The following DMD variants were observed in gnomAD, a reference collection of about 807,000 sequenced individuals.
DMD encodes dystrophin.
In DMD, 63 loss-of-function variants were observed where a neutral mutation model predicts 330.1. That is an observed-to-expected ratio of 0.19 (90% CI 0.16 to 0.24). The LOEUF (loss-of-function observed/expected upper bound fraction) is 0.24. Among genes scored for constraint, DMD ranks in the 10% least tolerant of loss-of-function variants. The pLI, the probability that DMD is intolerant of heterozygous loss-of-function variation, is 1.00. For synonymous variants in DMD, 1,223 were observed against 959.8 expected (o/e 1.27, Z -5.07); for missense variants, 3,344 against 2,684.1 (o/e 1.25, Z -5.43).
At chrX:33,098,416 A>C (rs1310052394) in intron 1 of DMD, among the ~76,000 whole-genome samples, 1 of 111,677 alleles carries the variant, frequency 9.0e-6, no homozygotes, top group Non-Finnish European at 1.9e-5. Flanking sequence ...GGTGTAAACC[A>C]ATTCTGCTTG....
At chrX:33,104,248 G>A (rs1030565911) in intron 1 of DMD, among the ~76,000 whole-genome samples, 1 of 111,671 alleles carries the variant, frequency 9.0e-6, no homozygotes, top group Non-Finnish European at 1.9e-5. Flanking sequence ...TGTTAATAAC[G>A]TTTTAAAATA....
chrX:32,689,468 T>A (rs1389505328), intron 9 of DMD, among the ~76,000 whole-genome samples: 1 of 111,410 alleles, frequency 9.0e-6, no homozygotes, highest in Non-Finnish European at 1.9e-5. Flanking sequence ...ACTTCATAAG[T>A]GATTTCTATC....
intron 17 of DMD, among the ~76,000 whole-genome samples, chrX:32,524,833 T>A (rs1382570806): frequency 2.7e-5 from 3 of 112,729 alleles, no homozygotes; most frequent in African/African-American, 9.7e-5. Flanking sequence ...TTCCCTTTTA[T>A]ACAAAGATCG....
intron 51 of DMD, among the ~76,000 whole-genome samples, chrX:31,734,005 T>C (rs1395418653): frequency 9.0e-6 from 1 of 111,614 alleles, no homozygotes; most frequent in African/African-American, 3.2e-5. Flanking sequence ...TTAGCCTTTT[T>C]TGTTCTTTAT....
At position 32,221,644 on chromosome X, in the gene DMD, T is replaced by G. The variant is rs188455109; in HGVS notation, c.6291-4581A>C. ...ATAGAAGTAAAATCAGATATTTTAG[T>G]GCACGTGTCACCCAAGTAGTGTACA... On this transcript the variant is annotated intron_variant, in intron 43 of 78. Transcript: ENST00000357033. Among the ~76,000 whole-genome samples the G allele has an allele frequency of 2.5e-3, 284 of 111,843 alleles. 2 individuals are homozygous for G. Among genetic ancestry groups the G allele is most frequent in the Non-Finnish European group, 8.8e-4 (47 of 53,124 alleles).
At chrX:32,046,830 T>C (rs2096067702) in intron 44 of DMD, among the ~76,000 whole-genome samples, 3 of 112,149 alleles carry the variant, frequency 2.7e-5, no homozygotes, top group African/African-American at 9.7e-5. Context: ...CTTTGCCACA[T>C]GACCTGTGGG....
At chrX:33,294,778 T>C (rs1214876009) in intron 1 of DMD, among the ~76,000 whole-genome samples, 1 of 110,405 alleles carries the variant, frequency 9.1e-6, no homozygotes, top group East Asian at 2.8e-4. Flanking sequence ...CAAAGAGTAA[T>C]ATAGTGCCTT....
At chrX:31,991,902 T>C (rs993417600) in intron 44 of DMD, among the ~76,000 whole-genome samples, 13 of 112,148 alleles carry the variant, frequency 1.2e-4, no homozygotes, top group African/African-American at 3.9e-4. Context: ...CCCATTATGT[T>C]CCAAGCACTG....
intron 2 of DMD, among the ~76,000 whole-genome samples, chrX:32,884,283 CATA>C (rs1223011427): frequency 2.7e-5 from 3 of 111,493 alleles, no homozygotes; most frequent in African/African-American, 9.8e-5. Context: ...ACATATTCAA[CATA>C]ATGATTTCCA....
intron 12 of DMD, among the ~76,000 whole-genome samples, chrX:32,600,507 T>C (rs2056072274): frequency 9.4e-6 from 1 of 106,219 alleles, no homozygotes; most frequent in Admixed American, 1.0e-4. Context: ...ATGTAAAGTT[T>C]TTTTTTTTTT....
At chrX:31,364,953 G>C (rs1426960919) in intron 60 of DMD, among the ~76,000 whole-genome samples, 1 of 109,688 alleles carries the variant, frequency 9.1e-6, no homozygotes, top group Non-Finnish European at 1.9e-5. Context: ...AAATTAGCCA[G>C]GCGTGGTGGC....
chrX:33,051,610 C>T (rs2094457545), intron 1 of DMD, among the ~76,000 whole-genome samples: 2 of 105,975 alleles, frequency 1.9e-5, no homozygotes, highest in South Asian at 8.0e-4. Context: ...AGTATTTTTT[C>T]CCTTTTAAAA....
intron 7 of DMD, among the ~76,000 whole-genome samples, chrX:32,729,329 C>A (rs1338518438): frequency 8.9e-6 from 1 of 111,937 alleles, no homozygotes; most frequent in Non-Finnish European, 1.9e-5. Context: ...TATTTTGGGG[C>A]AAGTTTTATT....
At chrX:33,248,769 A>C (rs906034552) in intron 1 of DMD, among the ~76,000 whole-genome samples, 2 of 112,542 alleles carry the variant, frequency 1.8e-5, no homozygotes, top group African/African-American at 3.2e-5. Flanking sequence ...TATACATAAT[A>C]ATATATAACT....
chrX:32,822,479 T>TGAATA (rs2078344905), intron 5 of DMD, among the ~76,000 whole-genome samples: 1 of 110,649 alleles, frequency 9.0e-6, no homozygotes, highest in East Asian at 2.8e-4. Flanking sequence ...TGTATGATTA[T>TGAATA]GTATACATAT....
At chrX:31,396,198 C>T (rs1037951577) in intron 60 of DMD, among the ~76,000 whole-genome samples, 7 of 103,015 alleles carry the variant, frequency 6.8e-5, no homozygotes, top group African/African-American at 2.5e-4. Flanking sequence ...AGTGCAGTGG[C>T]GCGATCTCGG....
intron 55 of DMD, among the ~76,000 whole-genome samples, chrX:31,603,378 T>C (rs1052388432): frequency 1.3e-4 from 15 of 111,611 alleles, no homozygotes; most frequent in African/African-American, 4.6e-4. Flanking sequence ...TGTATGTCTA[T>C]CAAGCAAAAG....
chrX:32,960,913 T>G (rs933474455), intron 2 of DMD, among the ~76,000 whole-genome samples: 2 of 70,279 alleles, frequency 2.8e-5, no homozygotes, highest in Admixed American at 2.9e-4. Context: ...ATTGCACCAT[T>G]TGTAAAAAAA....
intron 33 of DMD, among the ~76,000 whole-genome samples, chrX:32,385,004 C>T (rs1241356740): frequency 1.8e-5 from 2 of 111,083 alleles, no homozygotes; most frequent in Non-Finnish European, 3.8e-5. Flanking sequence ...AGACTTAATG[C>T]AATCCCTATT....
Sources: allele counts gnomAD v4.1 joint callset (sites outside exome capture counted in the v4.1 genomes callset), GRCh38; gene constraint gnomAD v4.1.1; transcripts MANE v1.5; gene names NCBI Gene and HGNC (gene_info 2026-07-23, HGNC 2026-07-21).